The following WWOX variants were observed in gnomAD, a reference collection of about 807,000 sequenced individuals.
WWOX encodes WW domain containing oxidoreductase, also known as WW domain-containing oxidoreductase.
A neutral mutation model predicts 46.2 loss-of-function variants in WWOX; 69 were observed. That is an observed-to-expected ratio of 1.49 (90% CI 1.23 to 1.82). The LOEUF is 1.82. WWOX is among the 40% of genes most tolerant of loss of function. The pLI is 0.00. For synonymous variants in WWOX, 359 were observed against 202.6 expected, an observed-to-expected ratio of 1.77 and a Z score of -6.56; for missense variants, 919 against 542.6, an observed-to-expected ratio of 1.69 and a Z score of -6.89.
At chr16:78,800,879 T>C (rs1187741560) in intron 8 of WWOX, among the ~76,000 whole-genome samples, 1 of 152,128 alleles carries the variant, frequency 6.6e-6, no homozygotes, top group East Asian at 1.9e-4. Context: ...TCTGATAGTT[T>C]AGAAAGCTTT....
intron 4 of WWOX, among the ~76,000 whole-genome samples, chr16:78,153,956 C>A (rs1168045170): frequency 6.6e-6 from 1 of 152,114 alleles, no homozygotes; most frequent in South Asian, 2.1e-4. Flanking sequence ...TTCCCACCTT[C>A]ATGTTTTTTG....
At chr16:78,186,596 T>G (rs1358972824) in intron 5 of WWOX, among the ~76,000 whole-genome samples, 1 of 152,150 alleles carries the variant, frequency 6.6e-6, no homozygotes, top group Non-Finnish European at 1.5e-5. Flanking sequence ...AAACCCTGTC[T>G]CTACTCAAAA....
chr16:78,677,728 C>T (rs1027491095), intron 8 of WWOX, among the ~76,000 whole-genome samples: 3 of 152,132 alleles, frequency 2.0e-5, no homozygotes, highest in Non-Finnish European at 1.5e-5. Context: ...TTGGGCACTG[C>T]CTGGCACATA....
At chr16:78,313,023 T>G (rs531982746) in intron 5 of WWOX, among the ~76,000 whole-genome samples, 4 of 151,856 alleles carry the variant, frequency 2.6e-5, no homozygotes, top group African/African-American at 9.7e-5. Context: ...GGGGGCAGAT[T>G]TGTGTCCTAC....
At chr16:78,797,373 A>G (rs937935043) in intron 8 of WWOX, among the ~76,000 whole-genome samples, 3 of 151,638 alleles carry the variant, frequency 2.0e-5, no homozygotes, top group Admixed American at 2.0e-4. Context: ...AAAAAAAAAA[A>G]AAAAAAAGGA....
At chr16:78,967,459 GTTT>G (rs57576563) in intron 8 of WWOX, among the ~76,000 whole-genome samples, 14,875 of 98,144 alleles carry the variant, frequency 0.15, 1,530 homozygotes, top group African/African-American at 0.31. Context: ...AATTTTTGTG[GTTT>G]TTTTTTTTTT....
chr16:78,299,868 G>T (rs1315098409), intron 5 of WWOX, among the ~76,000 whole-genome samples: 1 of 152,094 alleles, frequency 6.6e-6, no homozygotes, highest in African/African-American at 2.4e-5. Context: ...TCAAAGTTGA[G>T]ATCTAAGAAT....
chr16:78,449,050 G>C (rs79838195), intron 8 of WWOX, among the ~76,000 whole-genome samples: 4,700 of 152,252 alleles, frequency 0.031, 109 homozygotes, highest in South Asian at 0.083. Context: ...CCTATGTCAA[G>C]TAGGCATTAT....
intron 5 of WWOX, among the ~76,000 whole-genome samples, chr16:78,333,654 C>T (rs963685785): frequency 1.3e-5 from 2 of 151,942 alleles, no homozygotes; most frequent in African/African-American, 2.4e-5. Context: ...ATTAAGTCTC[C>T]AGAATACATA....
chr16:79,015,869 A>C (rs2047402677), intron 8 of WWOX, among the ~76,000 whole-genome samples: 1 of 152,174 alleles, frequency 6.6e-6, no homozygotes, highest in Non-Finnish European at 1.5e-5. Context: ...GTCCTGCCTC[A>C]GACTCCCGAG....
chr16:78,156,137 A>G (rs1412274988), intron 4 of WWOX, among the ~76,000 whole-genome samples: 2 of 152,240 alleles, frequency 1.3e-5, no homozygotes, highest in Non-Finnish European at 2.9e-5. Context: ...ACACAGAGAC[A>G]GATGGCTTAC....
At position 78,662,371 on chromosome 16, in the gene WWOX, C is replaced by G. The variant is rs73565277; in HGVS notation, c.1056+229619C>G. Among the ~76,000 whole-genome samples the G allele has an allele frequency of 2.5e-3, 382 of 152,262 alleles. 2 individuals are homozygous for G. The highest frequency in any genetic ancestry group is 8.8e-3 in the African/African-American group (366 of 41,562). On this transcript the variant is annotated intron_variant, in intron 8 of 8. Coordinates refer to ENST00000566780, the MANE Select transcript of WWOX (RefSeq NM_016373.4). ...AAAATAAGAGAGCGCAATGAGACAT[C>G]TAGTTTTTTTCTCTTTCGTTTGTTC... is the stretch of plus-strand genomic sequence containing the variant.
intron 8 of WWOX, among the ~76,000 whole-genome samples, chr16:79,169,988 G>A (rs1053137706): frequency 6.6e-6 from 1 of 152,134 alleles, no homozygotes; most frequent in Non-Finnish European, 1.5e-5. Flanking sequence ...CTCTCCTGCA[G>A]GGCATTGCAA....
intron 8 of WWOX, among the ~76,000 whole-genome samples, chr16:79,054,762 G>A (rs901371377): frequency 5.9e-5 from 9 of 152,188 alleles, no homozygotes; most frequent in African/African-American, 2.2e-4. Context: ...GGAGGTGGAG[G>A]CTGCTGTGAA....
intron 8 of WWOX, among the ~76,000 whole-genome samples, chr16:79,008,485 GC>G (rs1031261718): frequency 1.3e-5 from 2 of 152,054 alleles, no homozygotes; most frequent in Admixed American, 1.3e-4. Context: ...CACAGTTGCC[GC>G]CCACACTCAA....
rs566520385 is a variant in WWOX at position 79,102,817 on chromosome 16, C to G, written c.1057-108791C>G. On this transcript the variant is annotated intron_variant, in intron 8 of 8. Transcript: ENST00000566780. ...TAGCTCACTCCTGCCAAAGGCAGAA[C>G]TTGAGAGTGGCATTCTTTTCTGGTC... Among the ~76,000 whole-genome samples, 14 of 152,302 alleles carry G rather than the reference C, an allele frequency of 9.2e-5. No individual in the cohort carries two copies. The South Asian group carries it at 2.9e-3, about 32-fold the overall frequency.
intron 8 of WWOX, among the ~76,000 whole-genome samples, chr16:78,920,178 A>T (rs2045346776): frequency 6.6e-6 from 1 of 152,082 alleles, no homozygotes; most frequent in African/African-American, 2.4e-5. Context: ...TCCAGAGTAA[A>T]AGCACAGCTT....
At chr16:79,196,053 C>T (rs760368185) in intron 8 of WWOX, among the ~76,000 whole-genome samples, 3 of 152,116 alleles carry the variant, frequency 2.0e-5, no homozygotes, top group African/African-American at 7.2e-5. Context: ...TCAGTAGGAA[C>T]CTGTTTGCAT....
intron 6 of WWOX, among the ~76,000 whole-genome samples, chr16:78,408,856 C>T (rs1162057999): frequency 6.6e-6 from 1 of 152,168 alleles, no homozygotes; most frequent in African/African-American, 2.4e-5. Context: ...TGAGCCCCAT[C>T]TCAGTGGACC....
Sources: allele counts gnomAD v4.1 joint callset (sites outside exome capture counted in the v4.1 genomes callset), GRCh38; gene constraint gnomAD v4.1.1; transcripts MANE v1.5; gene names NCBI Gene and HGNC (gene_info 2026-07-23, HGNC 2026-07-21).